The following CCNL1 variants were observed in gnomAD, a reference collection of about 807,000 sequenced individuals.
CCNL1 encodes the protein cyclin-L1.
In CCNL1, 13 loss-of-function variants were observed where a neutral mutation model predicts 60.6. That is an observed-to-expected ratio of 0.21 (90% confidence interval 0.14 to 0.34). CCNL1 has a LOEUF of 0.34. Among genes scored for constraint, CCNL1 ranks in the 10% least tolerant of loss-of-function variants. CCNL1 has a pLI of 1.00. For missense variants in CCNL1, 481 were observed against 664.3 expected, an observed-to-expected ratio of 0.72 and a Z score of 3.03; for synonymous variants, 270 against 244.3, an observed-to-expected ratio of 1.10 and a Z score of -0.98.
In CCNL1 at chr3:157,147,591, CATT is replaced by C; in HGVS notation, c.*647_*649del. The C allele has an allele frequency of 1.0e-6, 1 of 985,292 alleles. No homozygotes were observed. 61.0% of individuals were successfully genotyped at this position (985,292 alleles called of 1,614,324 possible). On this transcript the variant is annotated 3_prime_UTR_variant, in exon 11 of 11. Coordinates refer to ENST00000295926, the MANE Select transcript of CCNL1 (RefSeq NM_020307.4). ...TGCTAAAATATAACATTTAATGTCA[CATT>C]GTTGGGCGACTCCCATTTACTTTTT... is the stretch of plus-strand genomic sequence containing the variant.
chr3:157,145,437 C>CAAAAAAAAAAAAAAAAAAAAAAAAAAAAA (rs56894231), downstream of CCNL1, among the ~76,000 whole-genome samples: 4 of 24,268 alleles, frequency 1.6e-4, no homozygotes, highest in East Asian at 1.7e-3. Context: ...GACTTCATCT[C>CAAAAAAAAAAAAAAAAAAAAAAAAAAAAA]AAAAAAAAAA....
intron 3 of CCNL1, among the ~76,000 whole-genome samples, chr3:157,157,761 T>A (rs190036669): frequency 6.6e-6 from 1 of 152,232 alleles, no homozygotes; most frequent in Admixed American, 6.5e-5. Flanking sequence ...TTGACTAGGA[T>A]ACTCTTTTTT....
In CCNL1 at chr3:157,148,584, T is replaced by G. The variant is rs1461664390; in HGVS notation, c.1238A>C (p.Asn413Thr). 1 of 1,600,104 alleles carries G rather than the reference T, an allele frequency of 6.2e-7. No homozygotes were observed. Residue 413 changes from asparagine to threonine, a missense_variant, in exon 11 of 11, where the codon AAT becomes ACT. Physicochemically the swap from Asn to Thr is moderately conservative, Grantham distance 65. Around this residue, in one of 5 missense-constraint regions of CCNL1, gnomAD observed 197 missense variants for 233.9 expected, o/e 0.84. Transcript: ENST00000295926. Reference protein sequence around the residue: ...SRSHTPRRHYNNRRSRSGTYS... With the variant: ...SRSHTPRRHYTNRRSRSGTYS... ...TGTTCCAGATCGACTCCGCCTATTATTATAGCTTAGATAATAAAAATTTGA... is the reference window on the plus strand; with the variant it reads ...TGTTCCAGATCGACTCCGCCTATTAGTATAGCTTAGATAATAAAAATTTGA...
Position 157,147,837 on chromosome 3 carries a change from T to C in CCNL1, c.*404A>G. On this transcript the variant is annotated 3_prime_UTR_variant, in exon 11 of 11. Transcript: ENST00000295926. The stretch of plus-strand genomic sequence containing the variant: ...TTTGTATTTTATTTCCTTGTAAAAA[T>C]CTTTACACATGCAGACAAACCAGTG... The C allele has an allele frequency of 1.0e-6, 1 of 988,918 alleles. No individual in the cohort carries two copies. Among genetic ancestry groups the C allele is most frequent in the Non-Finnish European group, 1.2e-6 (1 of 832,008 alleles). 61.3% of individuals were successfully genotyped at this position (988,918 alleles called of 1,614,324 possible). A position where few individuals can be genotyped will look rare whatever the true frequency, so the allele number is the denominator to read the frequency against.
At chr3:157,145,565 GAGAC>G (rs1311774281), downstream of CCNL1, among the ~76,000 whole-genome samples, 1 of 150,708 alleles carries the variant, frequency 6.6e-6, no homozygotes, top group Non-Finnish European at 1.5e-5. Flanking sequence ...ACCAAAACAT[GAGAC>G]AGAGAACAGA....
At chr3:157,146,449 A>G (rs1737784165), downstream of CCNL1, 1 of 423,162 alleles carries the variant, frequency 2.4e-6, no homozygotes, top group Non-Finnish European at 4.6e-6. Flanking sequence ...CATCTTCACA[A>G]ACAACCCTCA....
intron 3 of CCNL1, among the ~76,000 whole-genome samples, chr3:157,156,228 A>G (rs1273798884): frequency 6.6e-6 from 1 of 152,234 alleles, no homozygotes; most frequent in Non-Finnish European, 1.5e-5. Context: ...TGTAATGCCT[A>G]CTTAAAAGTA....
Position 157,148,289 on chromosome 3 carries a change from G to A in CCNL1, c.1533C>T (p.Ser511=), listed in dbSNP as rs776949111. ...RSRSFERSHK[S]KHHGGSRSGH... Reference sequence around the variant, plus strand: ...CTGAGCGACTGCCACCATGGTGCTTGCTTTTATGGGACCTCTCAAAGGAGC... The same window carrying A: ...CTGAGCGACTGCCACCATGGTGCTTACTTTTATGGGACCTCTCAAAGGAGC... The change falls in exon 11 of 11, where the codon AGC becomes AGT. Residue 511 remains serine, a synonymous_variant. Transcript: ENST00000295926. 6.2e-6 allele frequency: 10 copies of A among 1,614,224 alleles called. No homozygotes were observed. The highest frequency in any genetic ancestry group is 1.6e-4 in the Middle Eastern group (1 of 6,062).
rs1737841918 is a variant in CCNL1 at position 157,147,720 on chromosome 3, C to G, written c.*521G>C. 2 of 984,980 alleles carry G rather than the reference C, an allele frequency of 2.0e-6. No individual in the cohort carries two copies. Among genetic ancestry groups the G allele is most frequent in the Non-Finnish European group, 2.4e-6 (2 of 829,688 alleles). The allele number at this position is 984,980 out of a possible 1,614,324, so 61.0% of individuals were successfully genotyped here. A position where few individuals can be genotyped will look rare whatever the true frequency, so the allele number is the denominator to read the frequency against. On this transcript the variant is annotated 3_prime_UTR_variant, in exon 11 of 11. Coordinates refer to ENST00000295926, the MANE Select transcript of CCNL1 (RefSeq NM_020307.4). The stretch of plus-strand genomic sequence containing the variant: ...CTAATGGAGGAAAGAATAAGTTTGT[C>G]AGAAAACCAGTACAGCCATTTTGCT...
downstream of CCNL1, among the ~76,000 whole-genome samples, chr3:157,145,837 G>A (rs1477163049): frequency 6.6e-6 from 1 of 152,160 alleles, no homozygotes; most frequent in Non-Finnish European, 1.5e-5. Context: ...AACAAACCCA[G>A]GAGACAAAAA....
Position 157,149,742 on chromosome 3 carries a change from C to A in CCNL1, c.1021+94G>T, listed in dbSNP as rs967945859. 3.3e-6 allele frequency: 5 copies of A among 1,509,250 alleles called. No homozygotes were observed. The South Asian group carries it at 3.7e-5, about 11-fold the overall frequency. The allele number at this position is 1,509,250 out of a possible 1,614,324, so 93.5% of individuals were successfully genotyped here. ...GAACATAGCAGCAGTTTCCTAACAT[C>A]ATTTTTCTCTATGCAACTTTCAAAT... On this transcript the variant is annotated intron_variant, in intron 8 of 10. Coordinates refer to ENST00000295926, the MANE Select transcript of CCNL1 (RefSeq NM_020307.4).
Position 157,148,141 on chromosome 3 carries a change from A to G in CCNL1, c.*100T>C, listed in dbSNP as rs1737873671. On this transcript the variant is annotated 3_prime_UTR_variant, in exon 11 of 11. Transcript: ENST00000295926. Reference sequence around the variant, plus strand: ...AGACCTAGAGGGTTTCAAGAAATCAAATCCTAATCAGTTTGCGTTTAATGT... The same window carrying G: ...AGACCTAGAGGGTTTCAAGAAATCAGATCCTAATCAGTTTGCGTTTAATGT... 1 of 1,477,730 alleles carries G rather than the reference A, an allele frequency of 6.8e-7. No homozygotes were observed. The highest frequency in any genetic ancestry group is 1.4e-5 in the African/African-American group (1 of 70,692). 91.5% of individuals were successfully genotyped at this position (1,477,730 alleles called of 1,614,324 possible). A position where few individuals can be genotyped will look rare whatever the true frequency, so the allele number is the denominator to read the frequency against.
intron 5 of CCNL1, chr3:157,151,407 C>T (rs1296256631): frequency 1.0e-6 from 1 of 985,710 alleles, no homozygotes; most frequent in Non-Finnish European, 1.2e-6. Context: ...TCAAGAAGTC[C>T]AAGTGCTAAA....
In CCNL1 at chr3:157,148,647, G is replaced by A. The variant is rs551931843; in HGVS notation, c.1233-58C>T. Reference sequence around the variant, plus strand: ...GTTTCTATGGGGAACAGATTATTCCGGTGGTTGCTCATAACAGGTTCAAAA... The same window carrying A: ...GTTTCTATGGGGAACAGATTATTCCAGTGGTTGCTCATAACAGGTTCAAAA... On this transcript the variant is annotated intron_variant, in intron 10 of 10. Coordinates refer to ENST00000295926, the MANE Select transcript of CCNL1 (RefSeq NM_020307.4). The A allele has an allele frequency of 3.3e-3, 4,745 of 1,455,702 alleles. 15 individuals are homozygous for A. Among genetic ancestry groups the A allele is most frequent in the Non-Finnish European group, 3.9e-3 (4,195 of 1,081,440 alleles). 90.2% of individuals were successfully genotyped at this position (1,455,702 alleles called of 1,614,324 possible).
In CCNL1 at chr3:157,147,587, G is replaced by A. The variant is rs563355040; in HGVS notation, c.*654C>T. 3 of 985,306 alleles carry A rather than the reference G, an allele frequency of 3.0e-6. No individual in the cohort carries two copies. The Admixed American group carries it at 1.8e-4, about 61-fold the overall frequency. The allele number at this position is 985,306 out of a possible 1,614,324, so 61.0% of individuals were successfully genotyped here. ...TTAGTGCTAAAATATAACATTTAAT[G>A]TCACATTGTTGGGCGACTCCCATTT... On this transcript the variant is annotated 3_prime_UTR_variant, in exon 11 of 11. Coordinates refer to ENST00000295926, the MANE Select transcript of CCNL1 (RefSeq NM_020307.4).
At chr3:157,159,673 A>C in intron 1 of CCNL1, 119 bp downstream of exon 1, 1 of 1,117,678 alleles carries the variant, frequency 8.9e-7, no homozygotes, top group African/African-American at 1.6e-5. Flanking sequence ...CTGGGCCCCG[A>C]ACGGGAAAGC....
chr3:157,159,993 C>CGTCGTCGTG lies in CCNL1; in HGVS notation c.93_101dup (p.Thr35_Thr37dup), dbSNP rs759982653. On this transcript the variant is annotated inframe_insertion, in exon 1 of 11. Transcript: ENST00000295926. ...CGATCAGGATCCCTCCCGTCGTGGT[C>CGTCGTCGTG]GTCGTCGTGGTCGTCGTCCCGGAGC... 144 of 1,579,688 alleles carry CGTCGTCGTG rather than the reference C, an allele frequency of 9.1e-5. 3 individuals carry two copies. Among genetic ancestry groups the CGTCGTCGTG allele is most frequent in the South Asian group, 6.2e-4 (54 of 86,602 alleles).
intron 3 of CCNL1, among the ~76,000 whole-genome samples, chr3:157,156,586 T>C (rs895192773): frequency 6.6e-6 from 1 of 152,120 alleles, no homozygotes; most frequent in Non-Finnish European, 1.5e-5. Flanking sequence ...ACAATCCAGG[T>C]TGGGGACTAA....
chr3:157,147,307 G>A (rs192773542), downstream of CCNL1, among the ~76,000 whole-genome samples: 33 of 152,124 alleles, frequency 2.2e-4, 1 homozygote, highest in Admixed American at 2.0e-3. Flanking sequence ...TAGAAATTCC[G>A]GCTTTTTCAT....
Sources: allele counts gnomAD v4.1 joint callset (sites outside exome capture counted in the v4.1 genomes callset), GRCh38; gene constraint gnomAD v4.1.1; regional missense constraint gnomAD v4.1.1; transcripts MANE v1.5; gene names NCBI Gene and HGNC (gene_info 2026-07-23, HGNC 2026-07-21).